The following SLC4A10 variants were observed in gnomAD, a reference collection of about 807,000 sequenced individuals.
SLC4A10 encodes solute carrier family 4 member 10.
SLC4A10 carries 42 observed loss-of-function variants against 137.7 expected under a neutral mutation model. The ratio of observed to expected loss-of-function variants is 0.30; its 90% CI spans 0.24 to 0.39. The LOEUF (loss-of-function observed/expected upper bound fraction) is 0.39. Among genes scored for constraint, SLC4A10 ranks in the 10% least tolerant of loss-of-function variants. The pLI is 1.00. For synonymous variants in SLC4A10, 474 were observed against 464.1 expected (o/e 1.02, Z -0.27); for missense variants, 925 against 1,355.0 (o/e 0.68, Z 4.98).
intron 11 of SLC4A10, among the ~76,000 whole-genome samples, chr2:161,898,576 C>A (rs2105273774): frequency 6.6e-6 from 1 of 152,148 alleles, no homozygotes; most frequent in East Asian, 1.9e-4. Flanking sequence ...GTGCAAATCC[C>A]AGCATTTTAA....
At chr2:161,879,546 C>CTTTTTTTTTTTTTTTT (rs71408189) in intron 9 of SLC4A10, among the ~76,000 whole-genome samples, 1 of 125,056 alleles carries the variant, frequency 8.0e-6, no homozygotes, top group Non-Finnish European at 1.7e-5. Context: ...CATATGAATC[C>CTTTTTTTTTTTTTTTT]TTTTTTTTTT....
chr2:161,820,111 C>T (rs897603309), intron 3 of SLC4A10, among the ~76,000 whole-genome samples: 2 of 152,080 alleles, frequency 1.3e-5, no homozygotes, highest in Admixed American at 6.5e-5. Flanking sequence ...CACAAAGATA[C>T]TGAATAAATT....
At chr2:161,660,569 T>TTTCTTTCTTTCC (rs1408708670) in intron 1 of SLC4A10, among the ~76,000 whole-genome samples, 20 of 109,368 alleles carry the variant, frequency 1.8e-4, no homozygotes, top group African/African-American at 6.0e-4. Context: ...TCTTTCTTTC[T>TTTCTTTCTTTCC]TTCTTTCTTT....
At chr2:161,763,281 C>T (rs376635891) in intron 1 of SLC4A10, among the ~76,000 whole-genome samples, 1 of 151,952 alleles carries the variant, frequency 6.6e-6, no homozygotes, top group Non-Finnish European at 1.5e-5. Context: ...ATTACATGTC[C>T]ATTTCCACAC....
At position 161,965,000 on chromosome 2, in the gene SLC4A10, C is replaced by T. The variant is rs532622604; in HGVS notation, c.3037-51C>T. 162 of 1,556,224 alleles carry T rather than the reference C, an allele frequency of 1.0e-4. No homozygotes were observed. The East Asian group carries it at 3.6e-3, about 34-fold the overall frequency. ...AAAAACCATACAGGCAAATCTACACCTCTCGTTTTAATTTTTTTTCCACTT... is the reference window on the plus strand; with the variant it reads ...AAAAACCATACAGGCAAATCTACACTTCTCGTTTTAATTTTTTTTCCACTT... On this transcript the variant is annotated intron_variant, in intron 22 of 26. Coordinates refer to ENST00000446997, the MANE Select transcript of SLC4A10 (RefSeq NM_001178015.2).
At chr2:161,681,632 C>CAATT (rs1452432077) in intron 1 of SLC4A10, among the ~76,000 whole-genome samples, 1 of 152,124 alleles carries the variant, frequency 6.6e-6, no homozygotes, top group Non-Finnish European at 1.5e-5. Flanking sequence ...TTACTGTACT[C>CAATT]AATTAAACAC....
At chr2:161,746,698 T>C (rs1367462008) in intron 1 of SLC4A10, among the ~76,000 whole-genome samples, 1 of 152,120 alleles carries the variant, frequency 6.6e-6, no homozygotes, top group Non-Finnish European at 1.5e-5. Flanking sequence ...GGGTTACACC[T>C]GAAGCTAGCA....
chr2:161,685,251 A>G (rs2041258113), intron 1 of SLC4A10, among the ~76,000 whole-genome samples: 2 of 152,176 alleles, frequency 1.3e-5, no homozygotes, highest in South Asian at 4.1e-4. Flanking sequence ...GGCTAAGTGC[A>G]TTACATATGT....
chr2:161,849,573 C>T (rs1485275126), intron 4 of SLC4A10, among the ~76,000 whole-genome samples: 1 of 152,012 alleles, frequency 6.6e-6, no homozygotes, highest in Admixed American at 6.6e-5. Flanking sequence ...GTGGTGTACA[C>T]CTTCAATGCC....
Position 161,898,346 on chromosome 2 carries a change from G to C in SLC4A10, c.1342-2565G>C, listed in dbSNP as rs538103134. Among the ~76,000 whole-genome samples the C allele has an allele frequency of 2.0e-3, 305 of 152,150 alleles. 1 individual carries two copies. The highest frequency in any genetic ancestry group is 6.7e-3 in the African/African-American group (280 of 41,530). ...TGTGGCTATCATATTAGACAGCATA[G>C]TTCTATACAACAAATTTGAAATTAC... On this transcript the variant is annotated intron_variant, in intron 11 of 26. Transcript: ENST00000446997.
chr2:161,924,304 T>C (rs1688678226), intron 15 of SLC4A10, among the ~76,000 whole-genome samples: 1 of 152,176 alleles, frequency 6.6e-6, no homozygotes, highest in Non-Finnish European at 1.5e-5. Context: ...ATTTTTGATA[T>C]GTAAGAACAT....
chr2:161,769,626 C>T lies in SLC4A10; in HGVS notation c.49-1347C>T, dbSNP rs112543667. Among the ~76,000 whole-genome samples the T allele has an allele frequency of 2.6e-3, 390 of 152,022 alleles. 3 individuals carry two copies. The highest frequency in any genetic ancestry group is 9.0e-3 in the African/African-American group (372 of 41,506). On this transcript the variant is annotated intron_variant, in intron 1 of 26. Coordinates refer to ENST00000446997, the MANE Select transcript of SLC4A10 (RefSeq NM_001178015.2). ...TGATCATGTAGTCCAAGTTCAACAA[C>T]ATTGGAAAATAATTTTGCATCATTT...
intron 2 of SLC4A10, among the ~76,000 whole-genome samples, chr2:161,775,635 G>A (rs1256614712): frequency 1.3e-5 from 2 of 151,832 alleles, no homozygotes; most frequent in Non-Finnish European, 2.9e-5. Context: ...GTGGATGCAT[G>A]AAGAGGTGAG....
intron 1 of SLC4A10, among the ~76,000 whole-genome samples, chr2:161,655,816 T>TC: frequency 6.6e-6 from 1 of 151,492 alleles, no homozygotes; most frequent in East Asian, 1.9e-4. Context: ...TAAAAATTCT[T>TC]CTTTTTTTTT....
At chr2:161,786,110 G>A (rs1039186567) in intron 2 of SLC4A10, among the ~76,000 whole-genome samples, 2 of 151,600 alleles carry the variant, frequency 1.3e-5, no homozygotes, top group African/African-American at 4.8e-5. Context: ...CAGGTATTGG[G>A]TATAAATATA....
chr2:161,874,709 A>G (rs1190819439), intron 8 of SLC4A10, among the ~76,000 whole-genome samples: 2 of 152,234 alleles, frequency 1.3e-5, no homozygotes, highest in African/African-American at 4.8e-5. Flanking sequence ...TGTTCATAGC[A>G]TGGCACACTG....
intron 10 of SLC4A10, among the ~76,000 whole-genome samples, chr2:161,889,797 C>T (rs757804161): frequency 1.1e-4 from 17 of 152,050 alleles, no homozygotes; most frequent in Non-Finnish European, 2.1e-4. Context: ...TTTAGCTCTG[C>T]TCTGACCTTA....
At chr2:161,863,544 G>C (rs942583705) in intron 6 of SLC4A10, among the ~76,000 whole-genome samples, 2 of 152,296 alleles carry the variant, frequency 1.3e-5, no homozygotes, top group African/African-American at 4.8e-5. Context: ...GAAAAGACCA[G>C]CCAGTGCATT....
In SLC4A10 at chr2:161,658,594, T is replaced by C. The variant is rs2037866732; in HGVS notation, c.48+34028T>C. On this transcript the variant is annotated intron_variant, in intron 1 of 26. Coordinates refer to ENST00000446997, the MANE Select transcript of SLC4A10 (RefSeq NM_001178015.2). ...TTACCATGTGTTTAAGAAAATAGTT[T>C]CCTTTTTTTTTTTTTTTTTGATGGA... Among the ~76,000 whole-genome samples, 3 of 77,248 alleles carry C rather than the reference T, an allele frequency of 3.9e-5. No homozygotes were observed. The Middle Eastern group carries it at 0.019, about 495-fold the overall frequency. The allele number at this position is 77,248 out of a possible 152,430, so 50.7% of individuals were successfully genotyped here.
Sources: allele counts gnomAD v4.1 joint callset (sites outside exome capture counted in the v4.1 genomes callset), GRCh38; gene constraint gnomAD v4.1.1; transcripts MANE v1.5; gene names NCBI Gene and HGNC (gene_info 2026-07-23, HGNC 2026-07-21).